Variants in FAM149A observed in about 807,000 individuals in gnomAD.
The protein encoded by FAM149A is family with sequence similarity 149 member A, also known as protein FAM149A.
A neutral mutation model predicts 78.2 loss-of-function variants in FAM149A; 71 were observed. That is an observed-to-expected ratio of 0.91 (90% CI 0.75 to 1.11). The LOEUF is 1.11. FAM149A is among the 50% of genes least tolerant of loss of function. The pLI, the probability that FAM149A is intolerant of heterozygous loss-of-function variation, is 0.00. For synonymous variants in FAM149A, 446 were observed against 410.5 expected (o/e 1.09, Z -1.04); for missense variants, 1,036 against 971.0 (o/e 1.07, Z -0.89).
rs375398673 is a variant in FAM149A, at chr4:186,165,399, T to A, written c.1945T>A (p.Phe649Ile). 8.1e-6 allele frequency: 13 copies of A among 1,613,960 alleles called. No individual in the cohort carries two copies. Among genetic ancestry groups the A allele is most frequent in the South Asian group, 4.4e-5 (4 of 91,092 alleles). ...ACTGGTTCAAACGTCACGGAGCAGG[T>A]TCCCCCCGCTAGTCACGGAGACCAG... The change falls in exon 11 of 14, where the codon TTC (phenylalanine) becomes ATC (isoleucine). Residue 649 changes from phenylalanine (F) to isoleucine (I), a missense_variant. Around this residue, in one of 3 missense-constraint regions of FAM149A, gnomAD observed 716 missense variants for 711.8 expected, o/e 1.01. Coordinates refer to ENST00000389354, the MANE Select transcript of FAM149A (RefSeq NM_001367768.3).
chr4:186,157,994 G>C, intron 8 of FAM149A: 1 of 1,489,736 alleles, frequency 6.7e-7, no homozygotes, highest in Non-Finnish European at 8.9e-7. Context: ...TTGGCTTCCA[G>C]ATGGAGCAGT....
intron 1 of FAM149A, chr4:186,110,395 T>G: frequency 3.0e-5 from 6 of 197,998 alleles, no homozygotes; most frequent in Non-Finnish European, 3.4e-5. Context: ...GTTACTTTCT[T>G]TTTTTTTTTT....
rs544385791 is a variant in FAM149A, at chr4:186,130,567, C to A, written c.567-18606C>A. Reference sequence around the variant, plus strand: ...AGATATGGGGTTTTGCCATGTTGCCCAGGCTGGTCTCAAACTCCTGGACTC... The same window carrying A: ...AGATATGGGGTTTTGCCATGTTGCCAAGGCTGGTCTCAAACTCCTGGACTC... On this transcript the variant is annotated intron_variant, in intron 1 of 13. Coordinates refer to ENST00000389354, the MANE Select transcript of FAM149A (RefSeq NM_001367768.3). Among the ~76,000 whole-genome samples the A allele has an allele frequency of 7.3e-5, 11 of 151,394 alleles. No homozygotes were observed. The South Asian group carries it at 2.3e-3, about 32-fold the overall frequency.
chr4:186,106,487 G>C (rs1249425211), intron 1 of FAM149A, among the ~76,000 whole-genome samples: 3 of 152,134 alleles, frequency 2.0e-5, no homozygotes, highest in Non-Finnish European at 4.4e-5. Context: ...AATGGTCAAA[G>C]ACAGATGAGC....
In FAM149A at chr4:186,167,031, C is replaced by T. The variant is rs753211748; in HGVS notation, c.2074C>T (p.Arg692Cys). ...CATGCCTGACGGTACAGAACGATCG[C>T]GTCTTCGAGAAAGAACAGCCACCCT... Residue 692 changes from arginine to cysteine, a missense_variant, in exon 12 of 14, where the codon CGT (arginine) becomes TGT (cysteine). By Grantham distance (180) the Arg-to-Cys change is radical (BLOSUM62 -3). Transcript: ENST00000389354. 1.1e-5 allele frequency: 18 copies of T among 1,613,992 alleles called. No homozygotes were observed. Among genetic ancestry groups the T allele is most frequent in the African/African-American group, 1.1e-4 (8 of 74,910 alleles).
chr4:186,153,571 C>G, intron 4 of FAM149A, 74 bp from the exon 5 acceptor site: 1 of 1,555,782 alleles, frequency 6.4e-7, no homozygotes, highest in Non-Finnish European at 8.8e-7. Flanking sequence ...ATCATTGTCT[C>G]CTACTTTTAA....
intron 1 of FAM149A, chr4:186,132,237 A>T: frequency 2.0e-6 from 2 of 984,458 alleles, no homozygotes; most frequent in Non-Finnish European, 2.4e-6. Flanking sequence ...CAGTATTGTC[A>T]TGAGACAAAA....
intron 13 of FAM149A, 65 bp downstream of exon 13, chr4:186,167,327 A>G (rs1349519301): frequency 5.7e-6 from 8 of 1,395,262 alleles, no homozygotes; most frequent in Non-Finnish European, 7.1e-6. Flanking sequence ...TCAGACAGTG[A>G]AATGGAAGAT....
In FAM149A at chr4:186,134,100, G is replaced by A. The variant is rs190911027; in HGVS notation, c.567-15073G>A. Among the ~76,000 whole-genome samples the A allele has an allele frequency of 3.5e-3, 529 of 152,230 alleles. 12 individuals are homozygous for A. The highest frequency in any genetic ancestry group is 0.032 in the Admixed American group (483 of 15,294). On this transcript the variant is annotated intron_variant, in intron 1 of 13. Coordinates refer to ENST00000389354, the MANE Select transcript of FAM149A (RefSeq NM_001367768.3). ...TTTTACGTTTCCACCGGTGATGCAC[G>A]AGGATTCCCATTCCTCTACATCTTC...
intron 1 of FAM149A, among the ~76,000 whole-genome samples, chr4:186,139,745 G>A (rs1254677809): frequency 1.3e-5 from 2 of 152,186 alleles, no homozygotes; most frequent in Non-Finnish European, 2.9e-5. Context: ...CTAGGCACTG[G>A]AGGTGCTCAT....
Position 186,173,692 on chromosome 4 carries a change from GGCAGCAGCA to G in FAM149A, c.*1723_*1731del, listed in dbSNP as rs781534240. 3.6e-5 allele frequency among the ~76,000 whole-genome samples: 4 copies of G among 110,254 alleles called. 1 individual carries two copies. The highest frequency in any genetic ancestry group is 8.9e-5 in the Admixed American group (1 of 11,216). 72.3% of individuals were successfully genotyped at this position (110,254 alleles called of 152,430 possible). ...ATTTCTATAGCAATGAGACACATTA[GGCAGCAGCA>G]GCAGCAGCAGCAGCAGCGACCACCA... On this transcript the variant is annotated 3_prime_UTR_variant, in exon 14 of 14. Coordinates refer to ENST00000389354, the MANE Select transcript of FAM149A (RefSeq NM_001367768.3).
At chr4:186,159,175 T>TA (rs921166897) in intron 8 of FAM149A, among the ~76,000 whole-genome samples, 18 of 151,864 alleles carry the variant, frequency 1.2e-4, no homozygotes, top group African/African-American at 4.1e-4. Flanking sequence ...TTTGAGGAGA[T>TA]ACAGAGGTGA....
rs572062268 is a variant in FAM149A, at chr4:186,152,109, T to C, written c.932+64T>C. The C allele has an allele frequency of 3.1e-5, 46 of 1,503,910 alleles. No individual in the cohort carries two copies. In the South Asian group the frequency reaches 5.1e-4, roughly 17 times the overall value. 93.2% of individuals were successfully genotyped at this position (1,503,910 alleles called of 1,614,324 possible). A position where few individuals can be genotyped will look rare whatever the true frequency, so the allele number is the denominator to read the frequency against. ...TCCAAGCACCCACCCCTGACCTGCC[T>C]CGATACATTCAGTACATTTGGTGTG... On this transcript the variant is annotated intron_variant, in intron 4 of 13. Transcript: ENST00000389354.
rs552189890 is a variant in FAM149A, at chr4:186,173,926, G to A, written c.*1939G>A. ...ACTTGAGGAATAGTTAGATATGTGA[G>A]TAGCCTGGAGCCCATGTTATAGGGC... On this transcript the variant is annotated 3_prime_UTR_variant, in exon 14 of 14. Coordinates refer to ENST00000389354, the MANE Select transcript of FAM149A (RefSeq NM_001367768.3). Among the ~76,000 whole-genome samples, 20 of 111,634 alleles carry A rather than the reference G, an allele frequency of 1.8e-4. 3 individuals are homozygous for A. The highest frequency in any genetic ancestry group is 5.6e-4 in the African/African-American group (20 of 35,668). The allele number at this position is 111,634 out of a possible 152,430, so 73.2% of individuals were successfully genotyped here. A position where few individuals can be genotyped will look rare whatever the true frequency, so the allele number is the denominator to read the frequency against.
rs189585048 is a variant in FAM149A at position 186,154,854 on chromosome 4, A to G, written c.1229+216A>G. The G allele has an allele frequency of 1.4e-5, 14 of 985,366 alleles. No individual in the cohort carries two copies. In the East Asian group the frequency reaches 1.6e-3, roughly 112 times the overall value. The allele number at this position is 985,366 out of a possible 1,614,324, so 61.0% of individuals were successfully genotyped here. A position where few individuals can be genotyped will look rare whatever the true frequency, so the allele number is the denominator to read the frequency against. Reference sequence around the variant, plus strand: ...AGAGGGTGTTCAGTGCCCTTGTAAAAGCAGACAAGGCTCCTCGCAGCCCTG... The same window carrying G: ...AGAGGGTGTTCAGTGCCCTTGTAAAGGCAGACAAGGCTCCTCGCAGCCCTG... On this transcript the variant is annotated intron_variant, in intron 6 of 13. Transcript: ENST00000389354.
At chr4:186,129,444 G>T (rs1302740030) in intron 1 of FAM149A, among the ~76,000 whole-genome samples, 1 of 152,262 alleles carries the variant, frequency 6.6e-6, no homozygotes, top group African/African-American at 2.4e-5. Context: ...AGATGAATGT[G>T]ATTCATATCA....
chr4:186,129,761 G>T (rs2099319794), intron 1 of FAM149A, among the ~76,000 whole-genome samples: 1 of 152,158 alleles, frequency 6.6e-6, no homozygotes, highest in Non-Finnish European at 1.5e-5. Context: ...ACTCTGTATT[G>T]TTTACCAGAC....
rs143242947 is a variant in FAM149A, at chr4:186,139,435, C to T, written c.567-9738C>T. ...GATTAGGTCATGATTGCAAAGCCCT[C>T]GTGAGTGGGATTCATGCCTTTATGA... On this transcript the variant is annotated intron_variant, in intron 1 of 13. Coordinates refer to ENST00000389354, the MANE Select transcript of FAM149A (RefSeq NM_001367768.3). Among the ~76,000 whole-genome samples the T allele has an allele frequency of 7.9e-5, 12 of 151,750 alleles. No homozygotes were observed. The East Asian group carries it at 1.9e-3, about 24-fold the overall frequency.
At chr4:186,162,096 G>A (rs1734649598) in intron 8 of FAM149A, among the ~76,000 whole-genome samples, 4 of 152,176 alleles carry the variant, frequency 2.6e-5, no homozygotes, top group Admixed American at 2.6e-4. Context: ...CTTAGCTCAC[G>A]CTTTCTGTCA....
Sources: gnomAD v4.1 joint callset for allele counts (sites outside exome capture counted in the v4.1 genomes callset) on GRCh38, gnomAD v4.1.1 for gene constraint, gnomAD v4.1.1 regional missense constraint, MANE v1.5 for transcripts, NCBI Gene and HGNC (gene_info 2026-07-23, HGNC 2026-07-21) for gene names.